The following ZFAT variants were observed in gnomAD, a reference collection of about 807,000 sequenced individuals.
ZFAT encodes the protein zinc finger and AT-hook domain containing, also known as zinc finger protein ZFAT.
Under a neutral mutation model 117.7 loss-of-function variants are expected in ZFAT, and 64 were observed. That is an observed-to-expected ratio of 0.54 (90% CI 0.44 to 0.67). ZFAT has a LOEUF of 0.67. Ranked by LOEUF, ZFAT falls within the 30% of genes least tolerant of loss-of-function variation. The probability of loss-of-function intolerance (pLI) is 0.00; values close to 1 mark genes in which losing one functional copy is unlikely to be tolerated. For synonymous variants in ZFAT, 679 were observed against 615.0 expected, an observed-to-expected ratio of 1.10 and a Z score of -1.54; for missense variants, 1,433 against 1,584.5, an observed-to-expected ratio of 0.90 and a Z score of 1.62.
the ZFAT span, among the ~76,000 whole-genome samples, chr8:134,790,347 G>C: frequency 5.3e-5 from 8 of 152,182 alleles, no homozygotes; most frequent in Non-Finnish European, 1.2e-4. Context: ...ATGGTGGTTA[G>C]AGCACCTAAA....
chr8:134,816,191 G>C, the ZFAT span, among the ~76,000 whole-genome samples: 1 of 152,128 alleles, frequency 6.6e-6, no homozygotes, highest in Non-Finnish European at 1.5e-5. Context: ...TTACAGATGA[G>C]GAACTAGGAC....
chr8:134,598,057 G>A (rs1019667212), intron 7 of ZFAT: 2 of 152,222 alleles, frequency 1.3e-5, no homozygotes, highest in African/African-American at 2.4e-5. Context: ...TTCAGATGAC[G>A]GACAAGTGTC....
intron 2 of ZFAT, among the ~76,000 whole-genome samples, chr8:134,638,552 A>AAAAAAAC: frequency 4.0e-5 from 1 of 25,080 alleles, no homozygotes; most frequent in African/African-American, 1.8e-4. Flanking sequence ...AAAAATACAA[A>AAAAAAAC]AAAAAAACAA....
At chr8:134,770,915 G>A in the ZFAT span, among the ~76,000 whole-genome samples, 5,556 of 151,854 alleles carry the variant, frequency 0.037, 222 homozygotes, top group African/African-American at 0.096. Flanking sequence ...AATTCCCACC[G>A]AATAAATTTT....
rs534209549 is a variant in ZFAT, at chr8:134,601,564, G to A, written c.2155C>T (p.Leu719=). 1.2e-6 allele frequency: 2 copies of A among 1,614,078 alleles called. No homozygotes were observed. Among genetic ancestry groups the A allele is most frequent in the Non-Finnish European group, 1.7e-6 (2 of 1,180,046 alleles). The change falls in exon 6 of 16, where the codon CTG becomes TTG. Residue 719 remains leucine, a synonymous_variant. Transcript: ENST00000377838. The stretch of plus-strand genomic sequence containing the variant: ...ATTTGCTTCTTCTGTAAACTGTTCA[G>A]GACCTTCATGAAAGCGGTGATGCCT... ...RSGITAFMKV[L]NSLQKKQMNT... is the part of the protein sequence containing the mutation.
At chr8:134,517,069 C>T (rs1820303144) in intron 13 of ZFAT, among the ~76,000 whole-genome samples, 1 of 152,058 alleles carries the variant, frequency 6.6e-6, no homozygotes, top group East Asian at 1.9e-4. Flanking sequence ...ACAATATTGT[C>T]CTTACTACCA....
chr8:134,613,992 T>G (rs1198573123), intron 3 of ZFAT, among the ~76,000 whole-genome samples: 2 of 152,242 alleles, frequency 1.3e-5, no homozygotes, highest in Non-Finnish European at 2.9e-5. Context: ...ACATTCTCAT[T>G]GTTAAACTCG....
chr8:134,559,631 T>G (rs1471978507), intron 11 of ZFAT, among the ~76,000 whole-genome samples: 1 of 152,224 alleles, frequency 6.6e-6, no homozygotes, highest in Non-Finnish European at 1.5e-5. Flanking sequence ...TCAAAGGCAC[T>G]AACACTCCCA....
At chr8:134,817,431 A>G in the ZFAT span, among the ~76,000 whole-genome samples, 3 of 124,636 alleles carry the variant, frequency 2.4e-5, no homozygotes, top group African/African-American at 6.5e-5. Context: ...ACACACACAC[A>G]CACACAACGC....
chr8:134,803,761 C>A, the ZFAT span, among the ~76,000 whole-genome samples: 10 of 152,154 alleles, frequency 6.6e-5, no homozygotes, highest in Non-Finnish European at 1.3e-4. Flanking sequence ...ACTATACATG[C>A]AAGGTGCTTT....
At chr8:134,707,604 A>G (rs572782512) in intron 1 of ZFAT, among the ~76,000 whole-genome samples, 7 of 152,306 alleles carry the variant, frequency 4.6e-5, no homozygotes, top group African/African-American at 1.4e-4. Context: ...CAGCAATGCC[A>G]GGACACCCCA....
upstream of ZFAT, among the ~76,000 whole-genome samples, chr8:134,713,638 A>C (rs1814125503): frequency 6.6e-6 from 1 of 152,014 alleles, no homozygotes; most frequent in Non-Finnish European, 1.5e-5. Context: ...GCGCGCCTCC[A>C]ACACCCGCTC....
intron 11 of ZFAT, among the ~76,000 whole-genome samples, chr8:134,548,468 C>T (rs918259319): frequency 2.0e-5 from 3 of 152,136 alleles, no homozygotes; most frequent in Admixed American, 2.0e-4. Flanking sequence ...AACCAGAGGC[C>T]AGGCAGAGCA....
the ZFAT span, chr8:134,723,796 T>C: frequency 6.6e-6 from 1 of 152,192 alleles, no homozygotes. Flanking sequence ...AGCAGAACCC[T>C]TCTTCAGAAG....
chr8:134,569,771 A>ACCTCCCT (rs1824747773), intron 10 of ZFAT, among the ~76,000 whole-genome samples: 1 of 152,190 alleles, frequency 6.6e-6, no homozygotes, highest in South Asian at 2.1e-4. Context: ...AGTGCCCTCC[A>ACCTCCCT]GACCTGTACC....
intron 10 of ZFAT, among the ~76,000 whole-genome samples, chr8:134,572,502 T>TA (rs1211787424): frequency 6.6e-6 from 1 of 152,186 alleles, no homozygotes; most frequent in Admixed American, 6.5e-5. Flanking sequence ...CACTGTCTTT[T>TA]AAAAAACAGC....
chr8:134,574,617 G>T (rs538350891), intron 10 of ZFAT, among the ~76,000 whole-genome samples: 24 of 152,074 alleles, frequency 1.6e-4, no homozygotes, highest in African/African-American at 5.3e-4. Context: ...GAGAGAGACG[G>T]CAATGAAAAA....
chr8:134,788,907 G>T, the ZFAT span, among the ~76,000 whole-genome samples: 844 of 150,388 alleles, frequency 5.6e-3, 8 homozygotes, highest in African/African-American at 0.019. Flanking sequence ...GGTTTGCTGT[G>T]TTTTTTTTTC....
the ZFAT span, among the ~76,000 whole-genome samples, chr8:134,747,576 T>G: frequency 6.6e-6 from 1 of 152,246 alleles, no homozygotes; most frequent in Non-Finnish European, 1.5e-5. Flanking sequence ...CTATTATTTA[T>G]TACTCACATC....
Sources: allele counts gnomAD v4.1 joint callset (sites outside exome capture counted in the v4.1 genomes callset), GRCh38; gene constraint gnomAD v4.1.1; transcripts MANE v1.5; gene names NCBI Gene and HGNC (gene_info 2026-07-23, HGNC 2026-07-21).